CNTNAP2: variants seen among roughly 807,000 people sequenced by gnomAD.
CNTNAP2 encodes the protein contactin-associated protein-like 2.
CNTNAP2 carries 98 observed loss-of-function variants against 155.2 expected under a neutral mutation model. That is an observed-to-expected ratio of 0.63 (90% CI 0.54 to 0.75). The LOEUF (loss-of-function observed/expected upper bound fraction) is 0.75, where lower values mean the gene tolerates loss of function less well. Among genes scored for constraint, CNTNAP2 ranks in the 30% least tolerant of loss-of-function variants. The pLI is 0.00. For synonymous variants in CNTNAP2, 651 were observed against 631.2 expected, an observed-to-expected ratio of 1.03 and a Z score of -0.47; for missense variants, 1,727 against 1,688.1, an observed-to-expected ratio of 1.02 and a Z score of -0.40.
rs74301484 is a variant in CNTNAP2, at chr7:146,578,860, T to A, written c.98-195411T>A. 1.8e-4 allele frequency among the ~76,000 whole-genome samples: 27 copies of A among 152,226 alleles called. No individual in the cohort carries two copies. The East Asian group carries it at 3.3e-3, about 19-fold the overall frequency. The stretch of plus-strand genomic sequence containing the variant: ...AATGTGAATTAAGTCAGATTTTTTT[T>A]AAATCCCTGCTCCATTAACTCCCCT... On this transcript the variant is annotated intron_variant, in intron 1 of 23. Coordinates refer to ENST00000361727, the MANE Select transcript of CNTNAP2 (RefSeq NM_014141.6).
At chr7:147,124,728 G>C (rs1801197789) in intron 6 of CNTNAP2, among the ~76,000 whole-genome samples, 1 of 152,054 alleles carries the variant, frequency 6.6e-6, no homozygotes, top group Non-Finnish European at 1.5e-5. Flanking sequence ...CGGTTCTTGT[G>C]AACCAGTATG....
chr7:147,309,424 G>A (rs1250885147), intron 9 of CNTNAP2, among the ~76,000 whole-genome samples: 1 of 151,986 alleles, frequency 6.6e-6, no homozygotes, highest in East Asian at 1.9e-4. Context: ...AATTTGGCTT[G>A]GCTAATATTA....
At chr7:148,355,986 C>T (rs1017923177) in intron 21 of CNTNAP2, among the ~76,000 whole-genome samples, 4 of 152,176 alleles carry the variant, frequency 2.6e-5, no homozygotes, top group African/African-American at 7.2e-5. Flanking sequence ...TAAGCCCTGG[C>T]TTCCTCATCT....
chr7:148,183,331 T>A (rs1795068340), intron 18 of CNTNAP2, among the ~76,000 whole-genome samples: 1 of 152,308 alleles, frequency 6.6e-6, no homozygotes, highest in East Asian at 1.9e-4. Context: ...TCTGAGGGCG[T>A]AATTTGGGTT....
Position 146,437,033 on chromosome 7 carries a change from C to T in CNTNAP2, c.97+320060C>T, listed in dbSNP as rs137983653. On this transcript the variant is annotated intron_variant, in intron 1 of 23. Coordinates refer to ENST00000361727, the MANE Select transcript of CNTNAP2 (RefSeq NM_014141.6). ...GTATGGCCTGTTAGGAACCGGGCCG[C>T]ACGGCAGGAGGTGAGCGGTGGCAAG... 1.9e-3 allele frequency among the ~76,000 whole-genome samples: 281 copies of T among 151,592 alleles called. 12 individuals carry two copies. Among genetic ancestry groups the T allele is most frequent in the African/African-American group, 6.5e-3 (266 of 40,930 alleles).
rs1258293674 is a variant in CNTNAP2 at position 146,350,555 on chromosome 7, A to G, written c.97+233582A>G. Among the ~76,000 whole-genome samples the G allele has an allele frequency of 3.3e-5, 5 of 151,808 alleles. 1 individual carries two copies. In the East Asian group the frequency reaches 9.6e-4, roughly 29 times the overall value. On this transcript the variant is annotated intron_variant, in intron 1 of 23. Coordinates refer to ENST00000361727, the MANE Select transcript of CNTNAP2 (RefSeq NM_014141.6). Reference sequence around the variant, plus strand: ...CAGGTGCTGGAGAGGATGTGGAGAAATAGGAACACTTTTACACTGTTGGTG... The same window carrying G: ...CAGGTGCTGGAGAGGATGTGGAGAAGTAGGAACACTTTTACACTGTTGGTG...
intron 15 of CNTNAP2, among the ~76,000 whole-genome samples, chr7:148,008,580 T>C (rs1429611512): frequency 6.6e-6 from 1 of 152,190 alleles, no homozygotes; most frequent in Non-Finnish European, 1.5e-5. Flanking sequence ...CCACTTTCAA[T>C]GTCATGAAAA....
intron 1 of CNTNAP2, among the ~76,000 whole-genome samples, chr7:146,673,563 C>G (rs1369949772): frequency 6.6e-6 from 1 of 152,148 alleles, no homozygotes; most frequent in African/African-American, 2.4e-5. Context: ...CAAGTCTCAT[C>G]CCATTACGAC....
intron 10 of CNTNAP2, among the ~76,000 whole-genome samples, chr7:147,409,104 A>G (rs1186889993): frequency 6.6e-6 from 1 of 152,214 alleles, no homozygotes; most frequent in Non-Finnish European, 1.5e-5. Flanking sequence ...TTAACTGACT[A>G]TTTGTTTAGT....
intron 21 of CNTNAP2, among the ~76,000 whole-genome samples, chr7:148,367,554 G>A (rs188012668): frequency 1.5e-4 from 23 of 152,006 alleles, no homozygotes; most frequent in South Asian, 8.3e-4. Context: ...CTGATTTGGC[G>A]TCTGCTTTGC....
At chr7:147,869,815 A>G (rs1385479594) in intron 13 of CNTNAP2, among the ~76,000 whole-genome samples, 1 of 152,180 alleles carries the variant, frequency 6.6e-6, no homozygotes, top group Non-Finnish European at 1.5e-5. Context: ...GGTTTAGCTC[A>G]ATTTCATATC....
intron 10 of CNTNAP2, among the ~76,000 whole-genome samples, chr7:147,403,223 C>G (rs1020398188): frequency 1.3e-5 from 2 of 152,150 alleles, no homozygotes; most frequent in African/African-American, 4.8e-5. Flanking sequence ...ATATTTAAAT[C>G]TACCTATCAC....
chr7:148,185,426 C>T (rs1795102148), intron 18 of CNTNAP2, among the ~76,000 whole-genome samples: 1 of 152,134 alleles, frequency 6.6e-6, no homozygotes, highest in African/African-American at 2.4e-5. Context: ...CCTTGAGTAT[C>T]TTATAGAGTT....
At chr7:147,460,329 C>T (rs2022226) in intron 10 of CNTNAP2, among the ~76,000 whole-genome samples, 82,338 of 151,790 alleles carry the variant, frequency 0.54, 22,498 homozygotes, top group East Asian at 0.68. Flanking sequence ...CCTATTCAAA[C>T]ATGTTCTGGT....
intron 1 of CNTNAP2, among the ~76,000 whole-genome samples, chr7:146,262,827 G>A (rs1416627173): frequency 1.3e-5 from 2 of 152,108 alleles, no homozygotes; most frequent in South Asian, 2.1e-4. Flanking sequence ...CTTAGTTTTA[G>A]GTAGGAACAA....
At chr7:146,965,223 T>G (rs542492573) in intron 3 of CNTNAP2, among the ~76,000 whole-genome samples, 1 of 152,026 alleles carries the variant, frequency 6.6e-6, no homozygotes, top group Non-Finnish European at 1.5e-5. Context: ...CCCTGATGGA[T>G]GGAGACTGCC....
At chr7:147,068,196 C>A (rs1175613998) in intron 4 of CNTNAP2, among the ~76,000 whole-genome samples, 2 of 152,134 alleles carry the variant, frequency 1.3e-5, no homozygotes, top group Non-Finnish European at 2.9e-5. Flanking sequence ...ACTCTTCTGA[C>A]CTAAAATCAA....
intron 3 of CNTNAP2, among the ~76,000 whole-genome samples, chr7:146,906,702 G>A (rs371178966): frequency 2.8e-4 from 42 of 152,122 alleles, no homozygotes; most frequent in African/African-American, 4.1e-4. Flanking sequence ...AAGATGGGGA[G>A]AAAACAGAAC....
At chr7:147,784,694 C>T (rs886095634) in intron 13 of CNTNAP2, among the ~76,000 whole-genome samples, 13 of 149,840 alleles carry the variant, frequency 8.7e-5, no homozygotes, top group African/African-American at 2.2e-4. Flanking sequence ...TTGACATCAT[C>T]GGATTTGTGT....
Sources: gnomAD v4.1 joint callset for allele counts (sites outside exome capture counted in the v4.1 genomes callset) on GRCh38, gnomAD v4.1.1 for gene constraint, MANE v1.5 for transcripts, NCBI Gene and HGNC (gene_info 2026-07-23, HGNC 2026-07-21) for gene names.